TMPRSS15: variants seen among roughly 807,000 people sequenced by gnomAD.
TMPRSS15 encodes enteropeptidase.
Under a neutral mutation model 125.3 loss-of-function variants are expected in TMPRSS15, and 128 were observed. That is an observed-to-expected ratio of 1.02 (90% CI 0.89 to 1.18). The LOEUF (loss-of-function observed/expected upper bound fraction) is 1.18, where lower values mean the gene tolerates loss of function less well. Among genes scored for constraint, TMPRSS15 ranks in the 50% most tolerant of loss-of-function variants. The pLI, the probability that TMPRSS15 is intolerant of heterozygous loss-of-function variation, is 0.00. For missense variants in TMPRSS15, 1,283 were observed against 1,212.7 expected (o/e 1.06, Z -0.86); for synonymous variants, 446 against 423.2 (o/e 1.05, Z -0.66).
chr21:18,370,495 C>T (rs1037586340), intron 6 of TMPRSS15, among the ~76,000 whole-genome samples: 70 of 152,226 alleles, frequency 4.6e-4, no homozygotes, highest in African/African-American at 1.6e-3. Context: ...CCTTTGTTAC[C>T]TCATGATGGC....
intron 3 of TMPRSS15, among the ~76,000 whole-genome samples, chr21:18,396,501 G>A (rs1263820694): frequency 1.3e-5 from 2 of 152,062 alleles, no homozygotes; most frequent in South Asian, 2.1e-4. Flanking sequence ...ACAGCTGGGC[G>A]CTGTGGCTCA....
chr21:18,464,948 A>G (rs1032730759), intron 1 of TMPRSS15, among the ~76,000 whole-genome samples: 4 of 152,172 alleles, frequency 2.6e-5, no homozygotes, highest in African/African-American at 4.8e-5. Flanking sequence ...CCTGGCAGAG[A>G]CACAAGAAAA....
chr21:18,275,468 A>G, intron 23 of TMPRSS15, 132 bp from the exon 24 acceptor site: 1 of 1,111,212 alleles, frequency 9.0e-7, no homozygotes, highest in Non-Finnish European at 1.3e-6. Flanking sequence ...TAATGGAACT[A>G]AATACTAAAC....
chr21:18,477,694 T>C (rs561059483), intron 1 of TMPRSS15: 2 of 152,246 alleles, frequency 1.3e-5, no homozygotes, highest in South Asian at 2.1e-4. Flanking sequence ...CAGGATGGCA[T>C]TCATCAAAGT....
At chr21:18,444,760 A>G (rs2123241129) in intron 1 of TMPRSS15, among the ~76,000 whole-genome samples, 1 of 152,290 alleles carries the variant, frequency 6.6e-6, no homozygotes, top group African/African-American at 2.4e-5. Context: ...ATTATTATTA[A>G]CTATAATCAC....
At chr21:18,323,690 G>A (rs1004344276) in intron 16 of TMPRSS15, among the ~76,000 whole-genome samples, 1 of 151,872 alleles carries the variant, frequency 6.6e-6, no homozygotes, top group Non-Finnish European at 1.5e-5. Context: ...ATTTATCTCA[G>A]TTTCTTTAAA....
intron 1 of TMPRSS15, among the ~76,000 whole-genome samples, chr21:18,480,225 T>C (rs1384984441): frequency 6.6e-6 from 1 of 151,918 alleles, no homozygotes; most frequent in African/African-American, 2.4e-5. Flanking sequence ...TGATGGCCAG[T>C]CATCACAGTT....
chr21:18,411,689 T>A (rs1440641518), intron 1 of TMPRSS15, among the ~76,000 whole-genome samples: 1 of 152,196 alleles, frequency 6.6e-6, no homozygotes, highest in Non-Finnish European at 1.5e-5. Flanking sequence ...AAATTCTTGC[T>A]TCCTCGCCCT....
intron 24 of TMPRSS15, among the ~76,000 whole-genome samples, chr21:18,272,988 C>T (rs1239744883): frequency 6.6e-6 from 1 of 152,094 alleles, no homozygotes; most frequent in Non-Finnish European, 1.5e-5. Flanking sequence ...ACATAGCTGG[C>T]CCCACCCTCA....
At chr21:18,452,941 G>A (rs1601467945) in intron 1 of TMPRSS15, among the ~76,000 whole-genome samples, 2 of 152,196 alleles carry the variant, frequency 1.3e-5, no homozygotes, top group African/African-American at 4.8e-5. Context: ...TATTGTTTTT[G>A]TAGTATGAAC....
intron 21 of TMPRSS15, among the ~76,000 whole-genome samples, chr21:18,282,886 A>C (rs11911916): frequency 0.012 from 1,788 of 152,178 alleles, 34 homozygotes; most frequent in African/African-American, 0.041. Context: ...AGGGATTGAG[A>C]ACTAGAAGGA....
rs983597525 is a variant in TMPRSS15 at position 18,294,980 on chromosome 21, T to C, written c.2262-328A>G. On this transcript the variant is annotated intron_variant, in intron 19 of 24. Coordinates refer to ENST00000284885, the MANE Select transcript of TMPRSS15 (RefSeq NM_002772.3). Reference sequence around the variant, plus strand: ...AAAAGCAATATTTGCAATAAAACTATTACAGGGCCTTATACACAATGAAAT... The same window carrying C: ...AAAAGCAATATTTGCAATAAAACTACTACAGGGCCTTATACACAATGAAAT... Among the ~76,000 whole-genome samples, 3 of 152,310 alleles carry C rather than the reference T, an allele frequency of 2.0e-5. 1 individual carries two copies. Among genetic ancestry groups the C allele is most frequent in the Admixed American group, 6.5e-5 (1 of 15,308 alleles).
intron 1 of TMPRSS15, among the ~76,000 whole-genome samples, chr21:18,479,437 C>G (rs576400157): frequency 6.6e-6 from 1 of 152,018 alleles, no homozygotes; most frequent in African/African-American, 2.4e-5. Context: ...CCTAACTGGG[C>G]ATCATAGTCA....
At chr21:18,481,107 T>G (rs553848555) in intron 1 of TMPRSS15, among the ~76,000 whole-genome samples, 1 of 151,968 alleles carries the variant, frequency 6.6e-6, no homozygotes, top group Non-Finnish European at 1.5e-5. Context: ...GTATCCTGAC[T>G]CTACCATTTG....
intron 1 of TMPRSS15, among the ~76,000 whole-genome samples, chr21:18,478,326 T>C (rs560780050): frequency 6.6e-6 from 1 of 152,162 alleles, no homozygotes; most frequent in East Asian, 1.9e-4. Context: ...CGTCCCTTGC[T>C]TTAATTTTAA....
chr21:18,376,768 T>G (rs1047867797), intron 5 of TMPRSS15, among the ~76,000 whole-genome samples: 2 of 152,152 alleles, frequency 1.3e-5, no homozygotes, highest in African/African-American at 2.4e-5. Context: ...CCAGTCCTTC[T>G]CCTCTAGTGT....
chr21:18,406,778 A>G (rs1350904480), upstream of TMPRSS15, among the ~76,000 whole-genome samples: 1 of 152,184 alleles, frequency 6.6e-6, no homozygotes, highest in Non-Finnish European at 1.5e-5. Context: ...CTGACCTCCA[A>G]ATTCTCTTTC....
intron 16 of TMPRSS15, among the ~76,000 whole-genome samples, chr21:18,324,920 A>T (rs2075274060): frequency 6.6e-6 from 1 of 152,214 alleles, no homozygotes; most frequent in South Asian, 2.1e-4. Context: ...AGATAAAATA[A>T]TTGGCAAACA....
chr21:18,484,004 C>T (rs1353279782), intron 1 of TMPRSS15, among the ~76,000 whole-genome samples: 1 of 151,888 alleles, frequency 6.6e-6, no homozygotes, highest in Admixed American at 6.6e-5. Context: ...GAATACATTA[C>T]TAGGTGCCCT....
Sources: allele counts gnomAD v4.1 joint callset (sites outside exome capture counted in the v4.1 genomes callset), GRCh38; gene constraint gnomAD v4.1.1; transcripts MANE v1.5; gene names NCBI Gene and HGNC (gene_info 2026-07-23, HGNC 2026-07-21).